IGSF21: variants seen among roughly 807,000 people sequenced by gnomAD.
IGSF21 encodes the protein immunoglobulin superfamily member 21.
Under a neutral mutation model 46.8 loss-of-function variants are expected in IGSF21, and 28 were observed. That is an observed-to-expected ratio of 0.60 (90% CI 0.44 to 0.82). IGSF21 has a LOEUF of 0.82. Ranked by LOEUF, IGSF21 falls within the 40% of genes least tolerant of loss-of-function variation. The pLI is 0.00. For synonymous variants in IGSF21, 284 were observed against 273.6 expected (o/e 1.04, Z -0.38); for missense variants, 624 against 665.5 (o/e 0.94, Z 0.69).
At chr1:18,251,751 A>C (rs1045756247) in intron 2 of IGSF21, among the ~76,000 whole-genome samples, 5 of 152,130 alleles carry the variant, frequency 3.3e-5, no homozygotes, top group Non-Finnish European at 7.4e-5. Context: ...AGGCTCTCCC[A>C]ATCTTCCTGA....
Position 18,252,045 on chromosome 1 carries a change from G to GTTTTTTTTT in IGSF21, c.183+24050_183+24058dup, listed in dbSNP as rs59704256. Reference sequence around the variant, plus strand: ...GGCTGGAACACTTTCTGACCAAGGCGTTTTTTTTTTTTTTTTTTTTTTTGA... The same window carrying GTTTTTTTTT: ...GGCTGGAACACTTTCTGACCAAGGCGTTTTTTTTTTTTTTTTTTTTTTTTTTTTTTTTGA... On this transcript the variant is annotated intron_variant, in intron 2 of 9. Transcript: ENST00000251296. Among the ~76,000 whole-genome samples, 24 of 72,096 alleles carry GTTTTTTTTT rather than the reference G, an allele frequency of 3.3e-4. 2 individuals carry two copies. Among genetic ancestry groups the GTTTTTTTTT allele is most frequent in the Non-Finnish European group, 5.1e-4 (20 of 39,564 alleles). The allele number at this position is 72,096 out of a possible 152,430, so 47.3% of individuals were successfully genotyped here.
intron 1 of IGSF21, among the ~76,000 whole-genome samples, chr1:18,202,726 G>A (rs749381381): frequency 2.2e-4 from 33 of 152,308 alleles, no homozygotes; most frequent in African/African-American, 7.2e-4. Context: ...CCCTTGATAC[G>A]TGGGGATTAC....
intron 4 of IGSF21, among the ~76,000 whole-genome samples, chr1:18,359,307 A>G (rs1242678574): frequency 4.0e-5 from 6 of 148,922 alleles, no homozygotes; most frequent in African/African-American, 1.5e-4. Flanking sequence ...GAAAAAGAAA[A>G]GAAAGAAAGA....
At chr1:18,264,547 T>C (rs1356437803) in intron 2 of IGSF21, among the ~76,000 whole-genome samples, 1 of 152,172 alleles carries the variant, frequency 6.6e-6, no homozygotes, top group African/African-American at 2.4e-5. Flanking sequence ...CAGGGATTAT[T>C]ATGCTAGAAT....
chr1:18,173,282 G>A (rs539439046), intron 1 of IGSF21, among the ~76,000 whole-genome samples: 90 of 152,316 alleles, frequency 5.9e-4, no homozygotes, highest in Middle Eastern at 3.4e-3. Flanking sequence ...GCAAGACTCC[G>A]TCTCAAAAAC....
At chr1:18,307,138 C>T (rs1369158752) in intron 3 of IGSF21, among the ~76,000 whole-genome samples, 1 of 151,948 alleles carries the variant, frequency 6.6e-6, no homozygotes, top group African/African-American at 2.4e-5. Flanking sequence ...TTTGTTTGGC[C>T]ATGTCTTGTT....
chr1:18,177,482 C>T (rs2086813824), intron 1 of IGSF21, among the ~76,000 whole-genome samples: 1 of 96,010 alleles, frequency 1.0e-5, no homozygotes, highest in Non-Finnish European at 2.4e-5. Context: ...TATTCATGTG[C>T]ACATAAAACA....
chr1:18,314,102 G>T lies in IGSF21; in HGVS notation c.306-20790G>T, dbSNP rs144506482. 1.8e-4 allele frequency among the ~76,000 whole-genome samples: 27 copies of T among 152,236 alleles called. No homozygotes were observed. The East Asian group carries it at 5.2e-3, about 29-fold the overall frequency. On this transcript the variant is annotated intron_variant, in intron 3 of 9. Transcript: ENST00000251296. ...GAAGCATTGCTGTAATTACTCTCAC[G>T]GCCGGGGCCAATTTCTCAAATTTCG...
In IGSF21 at chr1:18,324,032, T is replaced by A. The variant is rs555229513; in HGVS notation, c.306-10860T>A. ...TCCCTGCCTCTCTCCCCGGTCCCAC[T>A]CCCCCATCCCACTCCCAGGCTGTAC... On this transcript the variant is annotated intron_variant, in intron 3 of 9. Transcript: ENST00000251296. Among the ~76,000 whole-genome samples, 145 of 151,868 alleles carry A rather than the reference T, an allele frequency of 9.5e-4. 1 individual carries two copies. Among genetic ancestry groups the A allele is most frequent in the African/African-American group, 3.4e-3 (140 of 41,432 alleles).
In IGSF21 at chr1:18,296,155, C is replaced by G. The variant is rs1180742602; in HGVS notation, c.305+4168C>G. 8.5e-5 allele frequency among the ~76,000 whole-genome samples: 13 copies of G among 152,136 alleles called. No individual in the cohort carries two copies. In the East Asian group the frequency reaches 2.5e-3, roughly 29 times the overall value. The stretch of plus-strand genomic sequence containing the variant: ...CCCCAGAATAACCTTGAGAAGGCAC[C>G]CGTATTGGCTTCCTTCCCTTCTAGC... On this transcript the variant is annotated intron_variant, in intron 3 of 9. Transcript: ENST00000251296.
In IGSF21 at chr1:18,322,824, TG is replaced by T. The variant is rs1436881888; in HGVS notation, c.306-12066del. Among the ~76,000 whole-genome samples the T allele has an allele frequency of 6.6e-6, 1 of 151,912 alleles. No homozygotes were observed. The highest frequency in any genetic ancestry group is 1.5e-5 in the Non-Finnish European group (1 of 67,970). ...GGTTTCCATGGCAGCAGCCAGAGTC[TG>T]GAAAAGAGGCCTGGAGAGGAAGCCG... On this transcript the variant is annotated intron_variant, in intron 3 of 9. Transcript: ENST00000251296. The surrounding 1 kb of genome is among the most constrained non-coding windows in gnomAD (Gnocchi z 4.3).
chr1:18,248,535 A>C (rs1163385029), intron 2 of IGSF21, among the ~76,000 whole-genome samples: 3 of 151,760 alleles, frequency 2.0e-5, no homozygotes, highest in African/African-American at 7.3e-5. Flanking sequence ...CCAAGCAGAC[A>C]GACAGTCTCC....
At chr1:18,241,992 GGA>G (rs2084734037) in intron 2 of IGSF21, among the ~76,000 whole-genome samples, 1 of 152,214 alleles carries the variant, frequency 6.6e-6, no homozygotes, top group Non-Finnish European at 1.5e-5. Context: ...CCTCCGTGGG[GGA>G]GAGATGGAGA....
chr1:18,260,355 A>C (rs879357277), intron 2 of IGSF21, among the ~76,000 whole-genome samples: 3 of 152,240 alleles, frequency 2.0e-5, no homozygotes, highest in Non-Finnish European at 4.4e-5. Context: ...GGGAGCCCCA[A>C]AATTGGAGCT....
intron 1 of IGSF21, among the ~76,000 whole-genome samples, chr1:18,182,346 T>C (rs1380278011): frequency 6.6e-6 from 1 of 151,998 alleles, no homozygotes; most frequent in Non-Finnish European, 1.5e-5. Context: ...CCGGCTAATT[T>C]TTTTGTATTT....
intron 1 of IGSF21, among the ~76,000 whole-genome samples, chr1:18,162,568 G>A (rs1050818020): frequency 5.3e-5 from 8 of 152,150 alleles, no homozygotes; most frequent in Non-Finnish European, 7.3e-5. Flanking sequence ...AATATATGCC[G>A]TTGTAAGTGT....
chr1:18,331,473 A>G (rs991755345), intron 3 of IGSF21, among the ~76,000 whole-genome samples: 4 of 152,236 alleles, frequency 2.6e-5, no homozygotes, highest in African/African-American at 7.2e-5. Context: ...ATTCCACGGT[A>G]TAGATATATA....
At chr1:18,377,243 C>T in intron 8 of IGSF21, 150 bp from the exon 9 acceptor site, 1 of 850,546 alleles carries the variant, frequency 1.2e-6, no homozygotes, top group Non-Finnish European at 2.0e-6. Context: ...CAAAATGGGG[C>T]TGATACTATC....
chr1:18,299,859 G>A (rs1012170933), intron 3 of IGSF21, among the ~76,000 whole-genome samples: 1 of 152,058 alleles, frequency 6.6e-6, no homozygotes, highest in South Asian at 2.1e-4. Context: ...TCAAAATCAG[G>A]GGTGATTTTA....
Sources: allele counts gnomAD v4.1 joint callset (sites outside exome capture counted in the v4.1 genomes callset), GRCh38; gene constraint gnomAD v4.1.1; non-coding constraint Gnocchi (gnomAD v3.1); transcripts MANE v1.5; gene names NCBI Gene and HGNC (gene_info 2026-07-23, HGNC 2026-07-21).